Variants in OPCML observed in about 807,000 individuals in gnomAD.
OPCML encodes the protein opioid binding protein/cell adhesion molecule like.
In OPCML, 13 loss-of-function variants were observed where a neutral mutation model predicts 37.8. The ratio of observed to expected loss-of-function variants is 0.34; its 90% confidence interval spans 0.22 to 0.55. The LOEUF (loss-of-function observed/expected upper bound fraction) is 0.55. Among genes scored for constraint, OPCML ranks in the 20% least tolerant of loss-of-function variants. The pLI is 0.91. For synonymous variants in OPCML, 176 were observed against 168.8 expected, an observed-to-expected ratio of 1.04 and a Z score of -0.33; for missense variants, 341 against 435.6, an observed-to-expected ratio of 0.78 and a Z score of 1.93.
chr11:132,439,596 T>A (rs1025031180), intron 4 of OPCML, among the ~76,000 whole-genome samples: 1 of 152,106 alleles, frequency 6.6e-6, no homozygotes, highest in African/African-American at 2.4e-5. Flanking sequence ...ACTTTTTAAA[T>A]GAAATTTAAC....
chr11:133,393,611 C>A (rs540759556), intron 1 of OPCML, among the ~76,000 whole-genome samples: 1 of 152,316 alleles, frequency 6.6e-6, no homozygotes, highest in African/African-American at 2.4e-5. Context: ...TGGCACTTGG[C>A]ACCCAGTGGG....
chr11:133,292,648 C>T (rs1242961111), intron 1 of OPCML, among the ~76,000 whole-genome samples: 3 of 152,168 alleles, frequency 2.0e-5, no homozygotes, highest in African/African-American at 7.2e-5. Context: ...GCCAGTGCTC[C>T]TCCAATTGGC....
chr11:133,378,511 C>T (rs989440231), intron 1 of OPCML, among the ~76,000 whole-genome samples: 3 of 152,106 alleles, frequency 2.0e-5, no homozygotes, highest in African/African-American at 7.2e-5. Flanking sequence ...TCATCCCATA[C>T]CCCGGCAAAT....
In OPCML at chr11:132,441,165, G is replaced by GTTTTTTTTTTTTTTTTTTTTTTTTTTT. The variant is rs68143578; in HGVS notation, c.506-3807_506-3806insAAAAAAAAAAAAAAAAAAAAAAAAAAA. Among the ~76,000 whole-genome samples the GTTTTTTTTTTTTTTTTTTTTTTTTTTT allele has an allele frequency of 2.2e-4, 16 of 72,400 alleles. 4 individuals carry two copies. The highest frequency in any genetic ancestry group is 3.4e-4 in the Non-Finnish European group (15 of 44,020). 47.5% of individuals were successfully genotyped at this position (72,400 alleles called of 152,430 possible). A position where few individuals can be genotyped will look rare whatever the true frequency, so the allele number is the denominator to read the frequency against. ...AGATGTGTTCACCAAGGACTTTTTTGTTTTTTTTTTTTTTTTTTTTGAGAC... is the reference window on the plus strand; with the variant it reads ...AGATGTGTTCACCAAGGACTTTTTTGTTTTTTTTTTTTTTTTTTTTTTTTTTTTTTTTTTTTTTTTTTTTTTTGAGAC... On this transcript the variant is annotated intron_variant, in intron 4 of 7. Transcript: ENST00000524381.
chr11:133,285,997 A>C (rs4937763), intron 1 of OPCML, among the ~76,000 whole-genome samples: 40,098 of 151,822 alleles, frequency 0.26, 6,339 homozygotes, highest in East Asian at 0.75. Context: ...ACAAGTCCCA[A>C]AAAAATATGG....
chr11:133,102,193 A>G (rs1400787205), intron 1 of OPCML, among the ~76,000 whole-genome samples: 2 of 152,204 alleles, frequency 1.3e-5, no homozygotes, highest in East Asian at 3.8e-4. Flanking sequence ...ACTAATGTAA[A>G]CTATGGACTT....
At chr11:132,577,229 T>C (rs1467654777) in intron 3 of OPCML, among the ~76,000 whole-genome samples, 1 of 152,170 alleles carries the variant, frequency 6.6e-6, no homozygotes. Context: ...AAAAGGATGG[T>C]CCAGGGCTTC....
chr11:132,462,564 G>C (rs977925706), intron 4 of OPCML, among the ~76,000 whole-genome samples: 1 of 152,226 alleles, frequency 6.6e-6, no homozygotes, highest in African/African-American at 2.4e-5. Context: ...GAATAATGCA[G>C]TGGTGTTTGC....
At chr11:133,221,095 T>C (rs1367826966) in intron 1 of OPCML, among the ~76,000 whole-genome samples, 1 of 152,234 alleles carries the variant, frequency 6.6e-6, no homozygotes, top group Non-Finnish European at 1.5e-5. Flanking sequence ...TGAGTGCAGC[T>C]GCTCTCTCTT....
At chr11:132,517,036 G>T (rs2096281548) in intron 4 of OPCML, among the ~76,000 whole-genome samples, 1 of 152,084 alleles carries the variant, frequency 6.6e-6, no homozygotes, top group Non-Finnish European at 1.5e-5. Context: ...TATGAAAGAG[G>T]TCTTTTCACA....
At chr11:132,732,753 A>G (rs1390982209) in intron 2 of OPCML, among the ~76,000 whole-genome samples, 1 of 152,172 alleles carries the variant, frequency 6.6e-6, no homozygotes, top group African/African-American at 2.4e-5. Flanking sequence ...ACAGAGAACA[A>G]TTGAACTGCA....
intron 1 of OPCML, chr11:133,006,980 C>A (rs900077759): frequency 1.0e-6 from 1 of 985,442 alleles, no homozygotes; most frequent in Admixed American, 6.1e-5. Context: ...AACTGTTAAT[C>A]CTTCTCCCTC....
intron 1 of OPCML, among the ~76,000 whole-genome samples, chr11:133,252,011 G>A (rs1003718487): frequency 7.2e-5 from 11 of 152,154 alleles, no homozygotes; most frequent in African/African-American, 2.7e-4. Context: ...GAGTCGACAG[G>A]GGAGTGGGCC....
rs368843093 is a variant in OPCML, at chr11:132,637,429, T to C, written c.379+19658A>G. Among the ~76,000 whole-genome samples the C allele has an allele frequency of 3.1e-3, 465 of 152,264 alleles. 2 individuals carry two copies. Among genetic ancestry groups the C allele is most frequent in the Non-Finnish European group, 5.0e-3 (341 of 68,030 alleles). On this transcript the variant is annotated intron_variant, in intron 3 of 7. Transcript: ENST00000524381. ...GCTGTTGAAGGCTTGGAAACCTCCA[T>C]CTTTCAGTGGCCACAGTTACTACTC...
chr11:132,962,483 T>C (rs1384414949), intron 1 of OPCML, among the ~76,000 whole-genome samples: 1 of 152,224 alleles, frequency 6.6e-6, no homozygotes, highest in African/African-American at 2.4e-5. Flanking sequence ...ACTCAGAGCT[T>C]GAGGAAAAGA....
intron 2 of OPCML, among the ~76,000 whole-genome samples, chr11:132,896,108 T>C (rs554577166): frequency 6.6e-6 from 1 of 152,238 alleles, no homozygotes; most frequent in South Asian, 2.1e-4. Context: ...GATTGAGTGG[T>C]AAAACATGGA....
At chr11:132,748,724 G>A (rs71485751) in intron 2 of OPCML, among the ~76,000 whole-genome samples, 1 of 152,102 alleles carries the variant, frequency 6.6e-6, no homozygotes, top group Admixed American at 6.5e-5. Context: ...GAGCGGAGAA[G>A]AAACACAAGC....
chr11:132,510,458 C>A (rs372561461), intron 4 of OPCML, among the ~76,000 whole-genome samples: 1 of 152,142 alleles, frequency 6.6e-6, no homozygotes, highest in Non-Finnish European at 1.5e-5. Flanking sequence ...TTTGTCCCCA[C>A]CCAAATCTCA....
intron 3 of OPCML, among the ~76,000 whole-genome samples, chr11:132,542,301 C>T (rs1214812593): frequency 6.6e-6 from 1 of 152,206 alleles, no homozygotes; most frequent in Non-Finnish European, 1.5e-5. Flanking sequence ...TCTCCATCAG[C>T]TCCTGGCCTT....
Sources: allele counts gnomAD v4.1 joint callset (sites outside exome capture counted in the v4.1 genomes callset), GRCh38; gene constraint gnomAD v4.1.1; transcripts MANE v1.5; gene names NCBI Gene and HGNC (gene_info 2026-07-23, HGNC 2026-07-21).